Variants in EDEM3 observed in about 807,000 individuals in gnomAD.
The protein encoded by EDEM3 is ER degradation enhancing alpha-mannosidase like protein 3.
In EDEM3, 60 loss-of-function variants were observed where a neutral mutation model predicts 110.2. The ratio of observed to expected loss-of-function variants is 0.54; its 90% confidence interval spans 0.44 to 0.67. The LOEUF (loss-of-function observed/expected upper bound fraction) is 0.67. EDEM3 is among the 30% of genes least tolerant of loss of function. EDEM3 has a pLI of 0.00. For synonymous variants in EDEM3, 352 were observed against 382.9 expected (o/e 0.92, Z 0.94); for missense variants, 996 against 1,121.0 (o/e 0.89, Z 1.59).
At chr1:184,739,293 T>C (rs1032942725) in intron 2 of EDEM3, among the ~76,000 whole-genome samples, 1 of 149,038 alleles carries the variant, frequency 6.7e-6, no homozygotes, top group Non-Finnish European at 1.5e-5. Flanking sequence ...TCATTTTAAT[T>C]ATTAAAATAA....
rs541339360 is a variant in EDEM3, at chr1:184,716,203, C to T, written c.1370+685G>A. 4.6e-5 allele frequency among the ~76,000 whole-genome samples: 7 copies of T among 152,250 alleles called. No individual in the cohort carries two copies. The East Asian group carries it at 1.4e-3, about 29-fold the overall frequency. On this transcript the variant is annotated intron_variant, in intron 13 of 19. Transcript: ENST00000318130. ...GACTTATCTTCATATCTTTAATCCT[C>T]AAAAACTAGTAAGAGCCCTGGCACA...
Position 184,710,437 on chromosome 1 carries a change from T to C in EDEM3, c.1802A>G (p.His601Arg). The change falls in exon 16 of 20, where the codon CAC becomes CGC. Residue 601 changes from histidine (H) to arginine (R), a missense_variant. Coordinates refer to ENST00000318130, the MANE Select transcript of EDEM3 (RefSeq NM_025191.4). ...CAACTGGACTCTCCCATCTTTGAGG[T>C]GAATCAAACTCACCCCCATCTTCTT... ...ILKKMGVSLI[H>R]LKDGRVQLVQ... The C allele has an allele frequency of 6.2e-7, 1 of 1,613,952 alleles. No individual in the cohort carries two copies.
chr1:184,719,621 C>T, intron 9 of EDEM3, 53 bp from the exon 10 acceptor site: 1 of 1,576,872 alleles, frequency 6.3e-7, no homozygotes, highest in Non-Finnish European at 8.6e-7. Context: ...AGAGGTACTA[C>T]TCTAAACACA....
intron 2 of EDEM3, 124 bp from the exon 3 acceptor site, chr1:184,737,835 C>T: frequency 1.3e-6 from 1 of 781,832 alleles, no homozygotes; most frequent in Non-Finnish European, 1.9e-6. Flanking sequence ...AATTTACACC[C>T]TGTGGAATCT....
chr1:184,733,028 A>T, intron 5 of EDEM3, 38 bp from the exon 6 acceptor site: 1 of 1,583,542 alleles, frequency 6.3e-7, no homozygotes, highest in Non-Finnish European at 8.6e-7. Flanking sequence ...CATATCTTAT[A>T]GACAATTAAA....
chr1:184,747,020 CAA>C (rs34429442), intron 2 of EDEM3, among the ~76,000 whole-genome samples: 32 of 132,954 alleles, frequency 2.4e-4, no homozygotes, highest in South Asian at 1.6e-3. Flanking sequence ...TGATCAAATG[CAA>C]AAAAAAAAAA....
At chr1:184,714,744 A>C (rs537207945) in intron 13 of EDEM3, among the ~76,000 whole-genome samples, 1 of 152,352 alleles carries the variant, frequency 6.6e-6, no homozygotes, top group South Asian at 2.1e-4. Context: ...AAAATCTAGA[A>C]ACAAAACAAA....
Position 184,749,582 on chromosome 1 carries a change from G to A in EDEM3, c.169C>T (p.Leu57=), listed in dbSNP as rs1365391171. Reference sequence around the variant, plus strand: ...CCATAAGCATGATCAAACATTTCCAGTACTTGATTCCTAATTTTAAAAGAG... The same window carrying A: ...CCATAAGCATGATCAAACATTTCCAATACTTGATTCCTAATTTTAAAAGAG... ...EEKQKLGNQV[L]EMFDHAYGNY... Residue 57 remains leucine, a synonymous_variant, in exon 2 of 20, where the codon CTG becomes TTG. Transcript: ENST00000318130. The A allele has an allele frequency of 6.7e-7, 1 of 1,501,234 alleles. No homozygotes were observed. Among genetic ancestry groups the A allele is most frequent in the Non-Finnish European group, 9.0e-7 (1 of 1,113,964 alleles). The allele number at this position is 1,501,234 out of a possible 1,614,324, so 93.0% of individuals were successfully genotyped here.
rs561432368 is a variant in EDEM3 at position 184,734,343 on chromosome 1, C to T, written c.458+188G>A. ...AATTAGCTGGGCTTGGTGGTATGCA[C>T]CTGTAGTCCCAGCTACTCAGGAGGC... On this transcript the variant is annotated intron_variant, in intron 5 of 19. Coordinates refer to ENST00000318130, the MANE Select transcript of EDEM3 (RefSeq NM_025191.4). Among the ~76,000 whole-genome samples, 9 of 152,196 alleles carry T rather than the reference C, an allele frequency of 5.9e-5. No homozygotes were observed. In the South Asian group the frequency reaches 1.2e-3, roughly 21 times the overall value.
Position 184,697,317 on chromosome 1 carries a change from T to C in EDEM3, c.2390-2845A>G, listed in dbSNP as rs1649382471. Among the ~76,000 whole-genome samples, 3 of 152,072 alleles carry C rather than the reference T, an allele frequency of 2.0e-5. No individual in the cohort carries two copies. The East Asian group carries it at 5.8e-4, about 29-fold the overall frequency. ...TTTATATGTAAAGTATGCAATTATA[T>C]AATTTCAAAATGAATCTCATTTGTA... On this transcript the variant is annotated intron_variant, in intron 19 of 19. Coordinates refer to ENST00000318130, the MANE Select transcript of EDEM3 (RefSeq NM_025191.4).
chr1:184,723,687 A>G, intron 8 of EDEM3, 64 bp downstream of exon 8: 2 of 1,211,300 alleles, frequency 1.7e-6, no homozygotes, highest in Non-Finnish European at 2.4e-6. Flanking sequence ...ACAAATGAAA[A>G]TTCTTTATTT....
At chr1:184,708,418 C>T (rs1461455559) in intron 16 of EDEM3, 74 bp from the exon 17 acceptor site, 6 of 1,506,348 alleles carry the variant, frequency 4.0e-6, no homozygotes, top group Admixed American at 1.9e-5. Context: ...CCTAAAGACA[C>T]TGTACTGTAG....
At chr1:184,751,658 CATA>C (rs1376140592) in intron 1 of EDEM3, among the ~76,000 whole-genome samples, 3 of 152,094 alleles carry the variant, frequency 2.0e-5, no homozygotes, top group Admixed American at 6.5e-5. Flanking sequence ...AAAAAATTTC[CATA>C]ATGTTTTATC....
intron 17 of EDEM3, among the ~76,000 whole-genome samples, chr1:184,707,820 G>C (rs1007582315): frequency 6.6e-6 from 1 of 152,102 alleles, no homozygotes; most frequent in African/African-American, 2.4e-5. Flanking sequence ...TTAAGCTCCT[G>C]GTTTAGACTT....
chr1:184,737,073 CA>C lies in EDEM3; in HGVS notation c.306-10del, dbSNP rs779585089. 23 of 1,554,548 alleles carry C rather than the reference CA, an allele frequency of 1.5e-5. 1 individual carries two copies. In the South Asian group the frequency reaches 2.6e-4, roughly 17 times the overall value. On this transcript the variant is annotated splice_polypyrimidine_tract_variant and intron_variant, in intron 3 of 19. Transcript: ENST00000318130. ...TCAGTGTCAGAGAAAATCTAAGAAA[CA>C]AGCGTTAACAAGATATAAAACATTA...
chr1:184,751,305 T>C (rs1439476622), intron 1 of EDEM3, among the ~76,000 whole-genome samples: 2 of 152,106 alleles, frequency 1.3e-5, no homozygotes, highest in Admixed American at 6.6e-5. Context: ...GTCCTCTTTT[T>C]TTTCCTTCCC....
At chr1:184,743,135 T>C (rs1345199974) in intron 2 of EDEM3, among the ~76,000 whole-genome samples, 1 of 152,206 alleles carries the variant, frequency 6.6e-6, no homozygotes, top group African/African-American at 2.4e-5. Context: ...TCAAACCAGG[T>C]GTAAAAATAC....
In EDEM3 at chr1:184,717,525, G is replaced by A. The variant is rs1650617940; in HGVS notation, c.1245+15C>T. On this transcript the variant is annotated intron_variant, in intron 12 of 19. Coordinates refer to ENST00000318130, the MANE Select transcript of EDEM3 (RefSeq NM_025191.4). ...GGAGGCTAAACTTTAAGTAAAATGG[G>A]GTATATTTTCTTACTTTATATAAGA... 3 of 1,588,936 alleles carry A rather than the reference G, an allele frequency of 1.9e-6. No homozygotes were observed. Among genetic ancestry groups the A allele is most frequent in the Admixed American group, 3.5e-5 (2 of 57,572 alleles).
rs1017536634 is a variant in EDEM3, at chr1:184,692,906, G to A, written c.*1157C>T. The A allele has an allele frequency of 6.6e-6, 1 of 151,798 alleles. No individual in the cohort carries two copies. The highest frequency in any genetic ancestry group is 2.4e-5 in the African/African-American group (1 of 41,166). The allele number at this position is 151,798 out of a possible 1,614,324, so 9.4% of individuals were successfully genotyped here. On this transcript the variant is annotated 3_prime_UTR_variant, in exon 20 of 20. Transcript: ENST00000318130. The stretch of plus-strand genomic sequence containing the variant: ...ACTAATTTTCAAGTCCGTATCAGAA[G>A]GAATATCTGTTAAAAACAAAAACAA...
Sources: gnomAD v4.1 joint callset for allele counts (sites outside exome capture counted in the v4.1 genomes callset) on GRCh38, gnomAD v4.1.1 for gene constraint, MANE v1.5 for transcripts, NCBI Gene and HGNC (gene_info 2026-07-23, HGNC 2026-07-21) for gene names.